The following SGIP1 variants were observed in gnomAD, a reference collection of about 807,000 sequenced individuals.
SGIP1 encodes the protein SH3GL interacting endocytic adaptor 1, also known as SH3-containing GRB2-like protein 3-interacting protein 1.
A neutral mutation model predicts 107.5 loss-of-function variants in SGIP1; 38 were observed. The observed-to-expected ratio is 0.35, with a 90% CI of 0.27 to 0.46. The LOEUF is 0.46. SGIP1 is among the 20% of genes least tolerant of loss of function. The pLI, the probability that SGIP1 is intolerant of heterozygous loss-of-function variation, is 1.00. For synonymous variants in SGIP1, 365 were observed against 366.1 expected (o/e 1.00, Z 0.03); for missense variants, 929 against 1,019.5 (o/e 0.91, Z 1.21).
chr1:66,741,915 C>A (rs491854), intron 24 of SGIP1, among the ~76,000 whole-genome samples: 27,702 of 151,834 alleles, frequency 0.18, 3,024 homozygotes, highest in Non-Finnish European at 0.24. Context: ...CTACAGGCGC[C>A]CACCACCACG....
chr1:66,563,002 T>C (rs1000947073), intron 1 of SGIP1, among the ~76,000 whole-genome samples: 2 of 151,954 alleles, frequency 1.3e-5, no homozygotes, highest in Non-Finnish European at 2.9e-5. Flanking sequence ...TTACTCACAC[T>C]CTCTTGCATG....
intron 8 of SGIP1, among the ~76,000 whole-genome samples, chr1:66,663,532 A>G (rs901727628): frequency 6.6e-6 from 1 of 152,174 alleles, no homozygotes; most frequent in Non-Finnish European, 1.5e-5. Flanking sequence ...TAACTGACAT[A>G]TATAAAGCCC....
intron 1 of SGIP1, among the ~76,000 whole-genome samples, chr1:66,607,655 C>A (rs772988771): frequency 4.6e-5 from 7 of 152,174 alleles, no homozygotes; most frequent in Non-Finnish European, 8.8e-5. Flanking sequence ...AGTAATGCCC[C>A]ACCCCCCTAC....
At chr1:66,594,041 G>T (rs564394370) in intron 1 of SGIP1, among the ~76,000 whole-genome samples, 1 of 152,122 alleles carries the variant, frequency 6.6e-6, no homozygotes. Context: ...TAACAAGAGT[G>T]TGTTTTTCTT....
intron 1 of SGIP1, among the ~76,000 whole-genome samples, chr1:66,584,700 G>T (rs1333137252): frequency 1.3e-5 from 2 of 152,154 alleles, no homozygotes; most frequent in African/African-American, 4.8e-5. Context: ...ACAGGTTAAT[G>T]CACTATGTTT....
chr1:66,726,503 A>G (rs1448117690), intron 19 of SGIP1, among the ~76,000 whole-genome samples: 2 of 152,262 alleles, frequency 1.3e-5, no homozygotes, highest in Non-Finnish European at 2.9e-5. Flanking sequence ...ACTGTAATCA[A>G]GACAGTGCAA....
intron 1 of SGIP1, among the ~76,000 whole-genome samples, chr1:66,574,934 C>T (rs1213300430): frequency 1.3e-5 from 2 of 152,142 alleles, no homozygotes; most frequent in East Asian, 1.9e-4. Flanking sequence ...TTTTATGAAA[C>T]CATGGTGCTA....
intron 7 of SGIP1, among the ~76,000 whole-genome samples, chr1:66,656,977 G>T (rs1324225897): frequency 6.6e-6 from 1 of 152,040 alleles, no homozygotes; most frequent in South Asian, 2.1e-4. Flanking sequence ...AGACCAGCCT[G>T]AGCAACATAG....
chr1:66,691,159 T>C (rs552672098), intron 17 of SGIP1, among the ~76,000 whole-genome samples: 1 of 152,276 alleles, frequency 6.6e-6, no homozygotes, highest in South Asian at 2.1e-4. Flanking sequence ...TCCTTTATTG[T>C]CAGAACTCCC....
At chr1:66,733,936 G>A in intron 21 of SGIP1, 56 bp downstream of exon 21, 2 of 1,555,308 alleles carry the variant, frequency 1.3e-6, no homozygotes, top group Admixed American at 1.8e-5. Context: ...GTTTTCTAAA[G>A]TACCTACTAT....
intron 17 of SGIP1, 161 bp downstream of exon 17, chr1:66,690,477 G>A: frequency 1.1e-6 from 1 of 934,900 alleles, no homozygotes; most frequent in Non-Finnish European, 1.6e-6. Flanking sequence ...CTCAGCAAAG[G>A]AGGCAAAGTG....
chr1:66,702,983 G>C (rs2092118338), intron 18 of SGIP1, among the ~76,000 whole-genome samples: 1 of 152,174 alleles, frequency 6.6e-6, no homozygotes, highest in Non-Finnish European at 1.5e-5. Flanking sequence ...GGAAAGTCTT[G>C]AGCCCCACAA....
chr1:66,723,688 A>G (rs2093638197), intron 19 of SGIP1, among the ~76,000 whole-genome samples: 1 of 152,208 alleles, frequency 6.6e-6, no homozygotes. Context: ...CTAGCACATT[A>G]CATTGTGCCT....
chr1:66,722,060 C>T (rs565170528), intron 19 of SGIP1, among the ~76,000 whole-genome samples: 1 of 152,266 alleles, frequency 6.6e-6, no homozygotes, highest in East Asian at 1.9e-4. Context: ...TCCATCACTC[C>T]TTTCCTTATC....
chr1:66,553,402 G>A (rs12095225), intron 1 of SGIP1, among the ~76,000 whole-genome samples: 2,983 of 152,008 alleles, frequency 0.02, 94 homozygotes, highest in African/African-American at 0.067. Flanking sequence ...ACGGCTGGAC[G>A]TGGTAGTTCA....
At chr1:66,545,525 C>T (rs1185585420) in intron 1 of SGIP1, among the ~76,000 whole-genome samples, 1 of 152,088 alleles carries the variant, frequency 6.6e-6, no homozygotes, top group African/African-American at 2.4e-5. Flanking sequence ...GTGACGATAA[C>T]AGTCTTTCTC....
chr1:66,693,932 G>A (rs918678323), intron 17 of SGIP1, among the ~76,000 whole-genome samples: 10 of 152,322 alleles, frequency 6.6e-5, no homozygotes, highest in African/African-American at 2.2e-4. Context: ...TTCATACAGG[G>A]ACCTTGGATT....
intron 18 of SGIP1, among the ~76,000 whole-genome samples, chr1:66,711,804 C>T (rs1467901371): frequency 6.6e-6 from 1 of 152,214 alleles, no homozygotes; most frequent in Non-Finnish European, 1.5e-5. Context: ...ATTGTGTTTT[C>T]AGGGTGACTG....
chr1:66,585,553 A>C (rs1371247076), intron 1 of SGIP1, among the ~76,000 whole-genome samples: 2 of 138,568 alleles, frequency 1.4e-5, no homozygotes, highest in Non-Finnish European at 3.2e-5. Context: ...GAGAAAAATT[A>C]AAAAGAGCTT....
Sources: allele counts gnomAD v4.1 joint callset (sites outside exome capture counted in the v4.1 genomes callset), GRCh38; gene constraint gnomAD v4.1.1; transcripts MANE v1.5; gene names NCBI Gene and HGNC (gene_info 2026-07-23, HGNC 2026-07-21).